Variants in CNTNAP4 observed in about 807,000 individuals in gnomAD.
CNTNAP4 encodes the protein contactin-associated protein-like 4.
A neutral mutation model predicts 148.4 loss-of-function variants in CNTNAP4; 98 were observed. The ratio of observed to expected loss-of-function variants is 0.66; its 90% CI spans 0.56 to 0.78. The LOEUF (loss-of-function observed/expected upper bound fraction) is 0.78, where lower values mean the gene tolerates loss of function less well. Ranked by LOEUF, CNTNAP4 falls within the 30% of genes least tolerant of loss-of-function variation. CNTNAP4 has a pLI of 0.00. For missense variants in CNTNAP4, 1,935 were observed against 1,565.6 expected (o/e 1.24, Z -3.98); for synonymous variants, 730 against 565.1 (o/e 1.29, Z -4.14).
chr16:76,460,753 CAAA>C (rs1158805627), intron 8 of CNTNAP4, among the ~76,000 whole-genome samples: 2 of 15,518 alleles, frequency 1.3e-4, no homozygotes, highest in African/African-American at 4.2e-4. Context: ...ACTCATGTCT[CAAA>C]AAAAAAAAAA....
intron 1 of CNTNAP4, among the ~76,000 whole-genome samples, chr16:76,313,934 A>C (rs934888787): frequency 6.6e-6 from 1 of 152,198 alleles, no homozygotes; most frequent in African/African-American, 2.4e-5. Context: ...AAATGGGAAC[A>C]ACTTAAGAGT....
intron 3 of CNTNAP4, among the ~76,000 whole-genome samples, chr16:76,364,643 AT>A (rs1284472061): frequency 6.6e-6 from 1 of 152,178 alleles, no homozygotes; most frequent in East Asian, 1.9e-4. Flanking sequence ...TACATTTTGC[AT>A]TTTTCAATCT....
chr16:76,445,826 A>G (rs1361779494), intron 4 of CNTNAP4, among the ~76,000 whole-genome samples: 2 of 152,208 alleles, frequency 1.3e-5, no homozygotes, highest in East Asian at 1.9e-4. Context: ...TAAGTGATAC[A>G]TTAACTCGGA....
At position 76,356,036 on chromosome 16, in the gene CNTNAP4, G is replaced by A. The variant is rs200652181; in HGVS notation, c.390+525G>A. ...ATTATAGTCGCCCACAACCACACCCGGCTAATTTTTGTGTTTTTAGTAGAG... is the reference window on the plus strand; with the variant it reads ...ATTATAGTCGCCCACAACCACACCCAGCTAATTTTTGTGTTTTTAGTAGAG... On this transcript the variant is annotated intron_variant, in intron 3 of 23. Transcript: ENST00000611870. Among the ~76,000 whole-genome samples the A allele has an allele frequency of 1.8e-4, 28 of 151,650 alleles. No homozygotes were observed. In the East Asian group the frequency reaches 4.9e-3, roughly 26 times the overall value.
At chr16:76,494,873 T>C in intron 13 of CNTNAP4, 37 bp from the exon 14 acceptor site, 1 of 1,602,844 alleles carries the variant, frequency 6.2e-7, no homozygotes, top group Non-Finnish European at 8.5e-7. Context: ...TGGTGGAACA[T>C]AAAACAGATG....
rs118179046 is a variant in CNTNAP4 at position 76,315,871 on chromosome 16, A to C, written c.86-542A>C. The stretch of plus-strand genomic sequence containing the variant: ...CAGCCTCCCAAAGTGCTGGGACCAC[A>C]GGTGTGAGCCACCACGCCAGGCTGT... On this transcript the variant is annotated intron_variant, in intron 1 of 23. Coordinates refer to ENST00000611870, the MANE Select transcript of CNTNAP4 (RefSeq NM_033401.5). Among the ~76,000 whole-genome samples the C allele has an allele frequency of 1.9e-3, 292 of 151,702 alleles. 10 individuals are homozygous for C. In the East Asian group the frequency reaches 0.051, roughly 27 times the overall value.
At chr16:76,353,465 T>C (rs2012128527) in intron 2 of CNTNAP4, among the ~76,000 whole-genome samples, 1 of 152,212 alleles carries the variant, frequency 6.6e-6, no homozygotes, top group Admixed American at 6.5e-5. Flanking sequence ...GACTGGTCAC[T>C]TTCCTTTCTT....
intron 21 of CNTNAP4, among the ~76,000 whole-genome samples, chr16:76,543,603 C>T (rs2084555625): frequency 2.0e-5 from 3 of 152,190 alleles, no homozygotes; most frequent in African/African-American, 7.2e-5. Flanking sequence ...TAGACAGAAG[C>T]ACAGAAGTGT....
chr16:76,396,702 G>C (rs1421500909), intron 3 of CNTNAP4, among the ~76,000 whole-genome samples: 3 of 152,158 alleles, frequency 2.0e-5, no homozygotes, highest in Admixed American at 2.0e-4. Context: ...ATCTTTGTCA[G>C]CATCCTTCAC....
chr16:76,427,219 T>C (rs2079438686), intron 3 of CNTNAP4, among the ~76,000 whole-genome samples: 2 of 152,136 alleles, frequency 1.3e-5, no homozygotes, highest in South Asian at 4.1e-4. Context: ...TGAAAACTAG[T>C]TTAATGGGGT....
At chr16:76,512,770 G>T (rs377222219) in intron 15 of CNTNAP4, among the ~76,000 whole-genome samples, 5 of 152,272 alleles carry the variant, frequency 3.3e-5, no homozygotes, top group East Asian at 3.9e-4. Context: ...GAGGAAGCAA[G>T]AAAGAAGACT....
In CNTNAP4 at chr16:76,420,218, T is replaced by C. The variant is rs905757260; in HGVS notation, c.391-7234T>C. On this transcript the variant is annotated intron_variant, in intron 3 of 23. Transcript: ENST00000611870. ...TAATATGTATATTCTGTAGAATATATATTAGAATAATGTATATTCTGTAGA... is the reference window on the plus strand; with the variant it reads ...TAATATGTATATTCTGTAGAATATACATTAGAATAATGTATATTCTGTAGA... Among the ~76,000 whole-genome samples the C allele has an allele frequency of 9.3e-5, 14 of 150,780 alleles. No homozygotes were observed. In the South Asian group the frequency reaches 3.0e-3, roughly 32 times the overall value.
At chr16:76,542,391 T>G (rs72799062) in intron 21 of CNTNAP4, among the ~76,000 whole-genome samples, 34,720 of 152,070 alleles carry the variant, frequency 0.23, 4,916 homozygotes, top group Middle Eastern at 0.34. Flanking sequence ...TCTTATTCCA[T>G]GTATAGCTAT....
At position 76,545,568 on chromosome 16, in the gene CNTNAP4, T is replaced by C. The variant is rs905555450; in HGVS notation, c.3442+4778T>C. ...TTTGGCAGCCAAGCATAATAACACA[T>C]AGAGCTCTACTTACACTAAAAAAAA... On this transcript the variant is annotated intron_variant, in intron 21 of 23. Coordinates refer to ENST00000611870, the MANE Select transcript of CNTNAP4 (RefSeq NM_033401.5). 5.1e-5 allele frequency among the ~76,000 whole-genome samples: 7 copies of C among 136,182 alleles called. 1 individual carries two copies. The highest frequency in any genetic ancestry group is 7.8e-5 in the Non-Finnish European group (5 of 64,204). 89.3% of individuals were successfully genotyped at this position (136,182 alleles called of 152,430 possible).
intron 3 of CNTNAP4, among the ~76,000 whole-genome samples, chr16:76,366,631 C>G (rs1027336602): frequency 2.0e-5 from 3 of 152,048 alleles, no homozygotes; most frequent in African/African-American, 7.2e-5. Flanking sequence ...ATGATTTCTA[C>G]TATTCTGGGT....
intron 15 of CNTNAP4, among the ~76,000 whole-genome samples, chr16:76,509,989 A>G (rs139824981): frequency 0.012 from 1,158 of 96,222 alleles, 437 homozygotes; most frequent in Non-Finnish European, 0.027. Context: ...ACAGCCTATA[A>G]TTCACCCTTT....
At chr16:76,558,428 G>C in intron 23 of CNTNAP4, 62 bp from the exon 24 acceptor site, 1 of 901,796 alleles carries the variant, frequency 1.1e-6, no homozygotes, top group Non-Finnish European at 1.7e-6. Flanking sequence ...ATTAAGCAAT[G>C]AAGTCAGCAC....
chr16:76,424,231 A>C (rs1401143278), intron 3 of CNTNAP4, among the ~76,000 whole-genome samples: 2 of 152,256 alleles, frequency 1.3e-5, no homozygotes, highest in African/African-American at 4.8e-5. Flanking sequence ...CTTTTCTCCC[A>C]GTCCCTTAAG....
intron 11 of CNTNAP4, among the ~76,000 whole-genome samples, chr16:76,478,740 C>T (rs996509393): frequency 6.6e-6 from 1 of 152,072 alleles, no homozygotes; most frequent in African/African-American, 2.4e-5. Flanking sequence ...TGGATCTAAA[C>T]ACACTGAAAC....
Sources: gnomAD v4.1 joint callset for allele counts (sites outside exome capture counted in the v4.1 genomes callset) on GRCh38, gnomAD v4.1.1 for gene constraint, MANE v1.5 for transcripts, NCBI Gene and HGNC (gene_info 2026-07-23, HGNC 2026-07-21) for gene names.